The following DRC11 variants were observed in gnomAD, a reference collection of about 807,000 sequenced individuals.
DRC11 encodes the protein dynein regulatory complex subunit 11.
At chr2:236,358,361 T>C in the DRC11 span, among the ~76,000 whole-genome samples, 2 of 131,980 alleles carry the variant, frequency 1.5e-5, no homozygotes, top group South Asian at 4.5e-4. Context: ...TATATGAATA[T>C]ATAATATATA....
chr2:236,318,513 G>A, the DRC11 span, among the ~76,000 whole-genome samples: 2 of 152,102 alleles, frequency 1.3e-5, no homozygotes, highest in African/African-American at 2.4e-5. This position sits in a 1 kb window ranked among gnomAD's most constrained non-coding sequence, Gnocchi z 7.0. Flanking sequence ...GTGTATGTGT[G>A]TTTTTGGGCC....
chr2:236,439,565 T>G, the DRC11 span, among the ~76,000 whole-genome samples: 27 of 152,308 alleles, frequency 1.8e-4, no homozygotes, highest in Non-Finnish European at 3.7e-4. Context: ...TTTGTCAGTG[T>G]AATTCTGTAC....
At chr2:236,308,054 C>T in the DRC11 span, among the ~76,000 whole-genome samples, 8 of 152,132 alleles carry the variant, frequency 5.3e-5, no homozygotes, top group African/African-American at 1.5e-4. This position sits in a 1 kb window ranked among gnomAD's most constrained non-coding sequence, Gnocchi z 6.0. Flanking sequence ...CGTGTGCTTG[C>T]AGTGACGCAG....
At chr2:236,453,265 T>C in the DRC11 span, among the ~76,000 whole-genome samples, 1 of 152,216 alleles carries the variant, frequency 6.6e-6, no homozygotes, top group Admixed American at 6.5e-5. This position sits in a 1 kb window ranked among gnomAD's most constrained non-coding sequence, Gnocchi z 4.9. Flanking sequence ...AGTAATCTTT[T>C]ACAAGTAGCA....
chr2:236,317,705 T>G, the DRC11 span, among the ~76,000 whole-genome samples: 1 of 152,214 alleles, frequency 6.6e-6, no homozygotes, highest in Non-Finnish European at 1.5e-5. This position sits in a 1 kb window ranked among gnomAD's most constrained non-coding sequence, Gnocchi z 5.4. Context: ...TTTACATTTT[T>G]CTAAAGGATG....
the DRC11 span, chr2:236,380,502 C>CCTGTGCTGTTCTCTGT: frequency 7.8e-7 from 1 of 1,289,950 alleles, no homozygotes; most frequent in Non-Finnish European, 1.1e-6. This position sits in a 1 kb window ranked among gnomAD's most constrained non-coding sequence, Gnocchi z 4.9. Context: ...GGGGCGTACT[C>CCTGTGCTGTTCTCTGT]GGGGTTCCCT....
the DRC11 span, among the ~76,000 whole-genome samples, chr2:236,469,409 T>C: frequency 1.3e-5 from 2 of 152,324 alleles, no homozygotes; most frequent in African/African-American, 2.4e-5. This position sits in a 1 kb window ranked among gnomAD's most constrained non-coding sequence, Gnocchi z 5.8. Flanking sequence ...TTTCACCATG[T>C]TGGTCACACA....
the DRC11 span, among the ~76,000 whole-genome samples, chr2:236,342,908 G>A: frequency 3.9e-5 from 6 of 152,070 alleles, no homozygotes; most frequent in South Asian, 2.1e-4. The surrounding 1 kb of genome is among the most constrained non-coding windows in gnomAD (Gnocchi z 5.8). Flanking sequence ...AACACACGAC[G>A]GACTCCTCTA....
the DRC11 span, among the ~76,000 whole-genome samples, chr2:236,335,263 A>G: frequency 6.6e-6 from 1 of 152,216 alleles, no homozygotes; most frequent in East Asian, 1.9e-4. This position sits in a 1 kb window ranked among gnomAD's most constrained non-coding sequence, Gnocchi z 5.6. Flanking sequence ...CAAAGACAAG[A>G]ACAGTCTTTC....
At chr2:236,388,214 G>A in the DRC11 span, among the ~76,000 whole-genome samples, 1 of 151,886 alleles carries the variant, frequency 6.6e-6, no homozygotes, top group Non-Finnish European at 1.5e-5. Flanking sequence ...GACCTGCCTT[G>A]CTAGATTGGG....
At chr2:236,375,220 C>A in the DRC11 span, among the ~76,000 whole-genome samples, 1 of 152,130 alleles carries the variant, frequency 6.6e-6, no homozygotes, top group East Asian at 1.9e-4. This position sits in a 1 kb window ranked among gnomAD's most constrained non-coding sequence, Gnocchi z 4.2. Flanking sequence ...GCTGACTCCA[C>A]CCACTTTGAT....
At chr2:236,451,768 T>C in the DRC11 span, among the ~76,000 whole-genome samples, 1 of 152,048 alleles carries the variant, frequency 6.6e-6, no homozygotes, top group African/African-American at 2.4e-5. Flanking sequence ...ATAATGAAAA[T>C]TGTATTTTAC....
the DRC11 span, among the ~76,000 whole-genome samples, chr2:236,459,546 C>CGT: frequency 8.5e-6 from 1 of 118,154 alleles, no homozygotes; most frequent in East Asian, 2.8e-4. Flanking sequence ...TATACGTATA[C>CGT]GTATACATGT....
At chr2:236,406,080 C>T in the DRC11 span, among the ~76,000 whole-genome samples, 1 of 152,170 alleles carries the variant, frequency 6.6e-6, no homozygotes, top group African/African-American at 2.4e-5. The surrounding 1 kb of genome is among the most constrained non-coding windows in gnomAD (Gnocchi z 4.7). Flanking sequence ...GAACTTTGTC[C>T]CTTACACAAC....
chr2:236,351,288 G>T, the DRC11 span, among the ~76,000 whole-genome samples: 362 of 152,208 alleles, frequency 2.4e-3, 1 homozygote, highest in Middle Eastern at 3.4e-3. This position sits in a 1 kb window ranked among gnomAD's most constrained non-coding sequence, Gnocchi z 7.3. Flanking sequence ...TCAGTGAGGG[G>T]CACCAATGAC....
At chr2:236,358,826 G>GC in the DRC11 span, among the ~76,000 whole-genome samples, 1 of 148,002 alleles carries the variant, frequency 6.8e-6, no homozygotes, top group African/African-American at 2.5e-5. Flanking sequence ...GCTAGGTCAG[G>GC]CCCCAAGACC....
the DRC11 span, among the ~76,000 whole-genome samples, chr2:236,506,648 G>T: frequency 6.6e-6 from 1 of 152,230 alleles, no homozygotes; most frequent in Admixed American, 6.5e-5. The surrounding 1 kb of genome is among the most constrained non-coding windows in gnomAD (Gnocchi z 4.9). Flanking sequence ...CAGCCCCTAC[G>T]TTACAGGGTT....
the DRC11 span, among the ~76,000 whole-genome samples, chr2:236,341,615 G>C: frequency 6.6e-6 from 1 of 152,198 alleles, no homozygotes; most frequent in Non-Finnish European, 1.5e-5. Context: ...CAGGTTTTGG[G>C]ATGATGTTTG....
At chr2:236,486,750 A>C in the DRC11 span, 2 of 954,562 alleles carry the variant, frequency 2.1e-6, no homozygotes, top group East Asian at 5.0e-5. This position sits in a 1 kb window ranked among gnomAD's most constrained non-coding sequence, Gnocchi z 5.7. Flanking sequence ...TTCCCTCAAA[A>C]ACTCTCAGAA....
Sources: allele counts gnomAD v4.1 joint callset (sites outside exome capture counted in the v4.1 genomes callset), GRCh38; gene constraint gnomAD v4.1.1; non-coding constraint Gnocchi (gnomAD v3.1); transcripts MANE v1.5; gene names NCBI Gene and HGNC (gene_info 2026-07-23, HGNC 2026-07-21).